Variants in VEPH1 observed in about 807,000 individuals in gnomAD.
VEPH1 encodes ventricular zone expressed PH domain containing 1.
VEPH1 carries 80 observed loss-of-function variants against 85.2 expected under a neutral mutation model. That is an observed-to-expected ratio of 0.94 (90% CI 0.78 to 1.13). The LOEUF (loss-of-function observed/expected upper bound fraction) is 1.13, where lower values mean the gene tolerates loss of function less well. Among genes scored for constraint, VEPH1 ranks in the 50% most tolerant of loss-of-function variants. The pLI is 0.00. For missense variants in VEPH1, 955 were observed against 980.5 expected, an observed-to-expected ratio of 0.97 and a Z score of 0.35; for synonymous variants, 297 against 348.0, an observed-to-expected ratio of 0.85 and a Z score of 1.63.
chr3:157,381,470 T>A, intron 6 of VEPH1, 94 bp from the exon 7 acceptor site: 1 of 1,283,846 alleles, frequency 7.8e-7, no homozygotes, highest in Non-Finnish European at 1.1e-6. Context: ...TTTGGGAGGC[T>A]GAGGTGGGTG....
At chr3:157,482,010 A>G (rs1033812292) in intron 2 of VEPH1, among the ~76,000 whole-genome samples, 5 of 152,028 alleles carry the variant, frequency 3.3e-5, no homozygotes, top group Non-Finnish European at 7.4e-5. Flanking sequence ...TAGGTTCTCT[A>G]TTCTGTTCCA....
At chr3:157,469,063 T>C (rs1227074506) in intron 3 of VEPH1, among the ~76,000 whole-genome samples, 1 of 152,168 alleles carries the variant, frequency 6.6e-6, no homozygotes, top group African/African-American at 2.4e-5. Flanking sequence ...AGTGAAATAA[T>C]CTATGTTTCT....
intron 2 of VEPH1, among the ~76,000 whole-genome samples, chr3:157,484,880 A>G (rs1261568344): frequency 1.3e-5 from 2 of 152,152 alleles, no homozygotes; most frequent in African/African-American, 4.8e-5. Flanking sequence ...CCTATACAGG[A>G]TATTAATTGA....
intron 12 of VEPH1, among the ~76,000 whole-genome samples, chr3:157,274,900 C>T (rs935194304): frequency 7.9e-5 from 12 of 152,292 alleles, no homozygotes; most frequent in African/African-American, 2.6e-4. Flanking sequence ...ATTTACAAGA[C>T]AGTAAATCAA....
intron 11 of VEPH1, among the ~76,000 whole-genome samples, chr3:157,288,525 A>C (rs1467617294): frequency 6.6e-6 from 1 of 152,128 alleles, no homozygotes; most frequent in Non-Finnish European, 1.5e-5. Flanking sequence ...TAATACCCCC[A>C]GAGTCCAGTC....
chr3:157,329,182 G>T (rs1258865340), intron 9 of VEPH1, among the ~76,000 whole-genome samples: 1 of 152,032 alleles, frequency 6.6e-6, no homozygotes, highest in African/African-American at 2.4e-5. Context: ...ATTTGCTTTT[G>T]GTATTTATTG....
At chr3:157,415,974 C>T (rs1260925831) in intron 5 of VEPH1, among the ~76,000 whole-genome samples, 1 of 152,120 alleles carries the variant, frequency 6.6e-6, no homozygotes, top group Non-Finnish European at 1.5e-5. Context: ...CTAAGTGGCC[C>T]TGAGCAGGTC....
intron 9 of VEPH1, among the ~76,000 whole-genome samples, chr3:157,318,047 T>C (rs184847841): frequency 7.1e-4 from 108 of 152,328 alleles, no homozygotes; most frequent in Non-Finnish European, 1.2e-3. Context: ...TTCCCTCTTA[T>C]AACCTTGGCA....
At chr3:157,391,129 T>C (rs1358523494) in intron 6 of VEPH1, among the ~76,000 whole-genome samples, 1 of 152,218 alleles carries the variant, frequency 6.6e-6, no homozygotes, top group African/African-American at 2.4e-5. Flanking sequence ...CTGTCTCACC[T>C]GTGGTGGGCA....
At chr3:157,432,453 G>A (rs779371958) in intron 4 of VEPH1, among the ~76,000 whole-genome samples, 10 of 151,892 alleles carry the variant, frequency 6.6e-5, no homozygotes, top group Admixed American at 2.6e-4. Context: ...TCTTGTAGTT[G>A]TCTTCAATCT....
chr3:157,265,932 T>A (rs981845731), intron 12 of VEPH1, among the ~76,000 whole-genome samples: 2 of 151,688 alleles, frequency 1.3e-5, no homozygotes. Context: ...TATTTAAAGT[T>A]TATCTGGATA....
At chr3:157,272,368 CT>C (rs1714740570) in intron 12 of VEPH1, among the ~76,000 whole-genome samples, 1 of 119,918 alleles carries the variant, frequency 8.3e-6, no homozygotes, top group African/African-American at 3.1e-5. Flanking sequence ...TTCTTTCTTT[CT>C]CTTTCTTTTC....
At chr3:157,373,988 C>T (rs1429896617) in intron 7 of VEPH1, among the ~76,000 whole-genome samples, 2 of 152,194 alleles carry the variant, frequency 1.3e-5, no homozygotes, top group African/African-American at 2.4e-5. Context: ...CTCCTACCTA[C>T]ATCTCGTGCT....
Position 157,470,310 on chromosome 3 carries a change from ATAC to A in VEPH1, c.354+1_354+3del. 1.2e-6 allele frequency: 2 copies of A among 1,614,018 alleles called. No individual in the cohort carries two copies. The highest frequency in any genetic ancestry group is 2.2e-5 in the South Asian group (2 of 91,078). ...AAATAGCCTGATGTTGAACACTGACATACCTGTAAAATGCAACTCATGATATCA... is the reference window on the plus strand; with the variant it reads ...AAATAGCCTGATGTTGAACACTGACACTGTAAAATGCAACTCATGATATCA... On this transcript the variant is annotated splice_donor_variant and splice_donor_region_variant and intron_variant, in intron 3 of 13. Transcript: ENST00000362010. LOFTEE classifies it high-confidence loss of function.
At chr3:157,289,641 A>T (rs1559927969) in intron 11 of VEPH1, among the ~76,000 whole-genome samples, 1 of 152,248 alleles carries the variant, frequency 6.6e-6, no homozygotes. Flanking sequence ...GCTTGAGGTC[A>T]GTAGTTCTCT....
chr3:157,381,146 T>A lies in VEPH1; in HGVS notation c.1127+10A>T. The A allele has an allele frequency of 1.2e-6, 2 of 1,612,720 alleles. No individual in the cohort carries two copies. On this transcript the variant is annotated intron_variant, in intron 7 of 13. Transcript: ENST00000362010. Reference sequence around the variant, plus strand: ...GCAGCTCCCTGAGGTACACAGAAGCTCTTGCTCACCTGCCACTTCCAGCCT... The same window carrying A: ...GCAGCTCCCTGAGGTACACAGAAGCACTTGCTCACCTGCCACTTCCAGCCT...
chr3:157,379,509 A>G (rs1728519575), intron 7 of VEPH1, among the ~76,000 whole-genome samples: 1 of 152,126 alleles, frequency 6.6e-6, no homozygotes, highest in Admixed American at 6.5e-5. Flanking sequence ...CATTGTATGC[A>G]CTTTTAGCAC....
chr3:157,330,052 G>A (rs962933333), intron 9 of VEPH1, among the ~76,000 whole-genome samples: 3 of 152,170 alleles, frequency 2.0e-5, no homozygotes, highest in Non-Finnish European at 4.4e-5. Flanking sequence ...TTGAGTGGTG[G>A]TCTCTCTTTT....
Position 157,343,733 on chromosome 3 carries a change from A to T in VEPH1, c.1735+19631T>A, listed in dbSNP as rs546227353. Among the ~76,000 whole-genome samples the T allele has an allele frequency of 4.3e-4, 66 of 152,304 alleles. No individual in the cohort carries two copies. The East Asian group carries it at 0.012, about 27-fold the overall frequency. On this transcript the variant is annotated intron_variant, in intron 9 of 13. Transcript: ENST00000362010. ...GGCAGAGACACAACAAAAAAAGAGAATTTTAGACCAATATCCCTGATGAAC... is the reference window on the plus strand; with the variant it reads ...GGCAGAGACACAACAAAAAAAGAGATTTTTAGACCAATATCCCTGATGAAC...
Sources: gnomAD v4.1 joint callset for allele counts (sites outside exome capture counted in the v4.1 genomes callset) on GRCh38, gnomAD v4.1.1 for gene constraint, MANE v1.5 for transcripts, NCBI Gene and HGNC (gene_info 2026-07-23, HGNC 2026-07-21) for gene names.